The following PDE4D variants were observed in gnomAD, a reference collection of about 807,000 sequenced individuals.
PDE4D encodes the protein phosphodiesterase 4D.
In PDE4D, 24 loss-of-function variants were observed where a neutral mutation model predicts 87.4. The ratio of observed to expected loss-of-function variants is 0.27; its 90% CI spans 0.20 to 0.39. PDE4D has a LOEUF of 0.39. Ranked by LOEUF, PDE4D falls within the 10% of genes least tolerant of loss-of-function variation. The probability of loss-of-function intolerance (pLI) is 1.00; values close to 1 mark genes in which losing one functional copy is unlikely to be tolerated. For missense variants in PDE4D, 714 were observed against 1,041.0 expected (o/e 0.69, Z 4.32); for synonymous variants, 384 against 383.2 (o/e 1.00, Z -0.02).
chr5:59,703,296 T>C (rs978992033), intron 1 of PDE4D, among the ~76,000 whole-genome samples: 1 of 152,218 alleles, frequency 6.6e-6, no homozygotes, highest in Non-Finnish European at 1.5e-5. Flanking sequence ...AAACCTCACT[T>C]CAGCCTTGAG....
At chr5:60,180,047 G>A (rs144765265) in intron 2 of PDE4D, among the ~76,000 whole-genome samples, 7 of 152,120 alleles carry the variant, frequency 4.6e-5, no homozygotes, top group Non-Finnish European at 7.4e-5. Context: ...TTTCTTGGAC[G>A]TAATCATTTG....
At position 58,973,179 on chromosome 5, in the gene PDE4D, T is replaced by TA. The variant is rs1742914051; in HGVS notation, c.*1484dup. The TA allele has an allele frequency of 6.6e-6, 1 of 152,076 alleles. No homozygotes were observed. The highest frequency in any genetic ancestry group is 1.5e-5 in the Non-Finnish European group (1 of 68,032). The allele number at this position is 152,076 out of a possible 1,614,324, so 9.4% of individuals were successfully genotyped here. The stretch of plus-strand genomic sequence containing the variant: ...TTTGTTAATATATTGTTAATATTCT[T>TA]AAAAACTGCCTAGTTGGCTGTTTAA... On this transcript the variant is annotated 3_prime_UTR_variant, in exon 15 of 15. Coordinates refer to ENST00000340635, the MANE Select transcript of PDE4D (RefSeq NM_001104631.2).
chr5:59,565,812 G>A (rs541741965), intron 1 of PDE4D, among the ~76,000 whole-genome samples: 87 of 152,228 alleles, frequency 5.7e-4, no homozygotes, highest in African/African-American at 2.0e-3. Context: ...ACTGTCCTTC[G>A]TCACCCTCTG....
chr5:60,473,643 G>A (rs1163703295), intron 1 of PDE4D, among the ~76,000 whole-genome samples: 4 of 152,002 alleles, frequency 2.6e-5, no homozygotes, highest in Non-Finnish European at 5.9e-5. Flanking sequence ...ACACAGAGCT[G>A]ATGATGGCCT....
chr5:59,019,739 C>A (rs1446380514), intron 6 of PDE4D, among the ~76,000 whole-genome samples: 1 of 152,146 alleles, frequency 6.6e-6, no homozygotes, highest in East Asian at 1.9e-4. Context: ...TCATTCTGGT[C>A]CTCTGTATTG....
chr5:59,797,046 C>T (rs1330699800), intron 1 of PDE4D: 3 of 151,232 alleles, frequency 2.0e-5, no homozygotes, highest in Non-Finnish European at 4.4e-5. Context: ...ATTCCATTTC[C>T]TTGTCATATA....
intron 1 of PDE4D, among the ~76,000 whole-genome samples, chr5:59,405,169 G>A (rs1791399769): frequency 6.6e-6 from 1 of 152,074 alleles, no homozygotes; most frequent in Admixed American, 6.6e-5. Context: ...ATTGCTTTGG[G>A]TACTATGTAC....
Position 60,136,671 on chromosome 5 carries a change from A to C in PDE4D, c.42+48886T>G, listed in dbSNP as rs945818409. On this transcript the variant is annotated intron_variant, in intron 2 of 16. Coordinates refer to the PDE4D transcript ENST00000502484. ...ATTCAGTCTGACAAAGACTACTATT[A>C]GGTATCCACCCAATATCCATTCTTT... is the stretch of plus-strand genomic sequence containing the variant. 3.3e-5 allele frequency among the ~76,000 whole-genome samples: 5 copies of C among 152,266 alleles called. 1 individual carries two copies. The highest frequency in any genetic ancestry group is 6.8e-3 in the Middle Eastern group (2 of 294).
intron 1 of PDE4D, among the ~76,000 whole-genome samples, chr5:59,358,265 TG>T (rs1781702395): frequency 6.6e-6 from 1 of 152,130 alleles, no homozygotes; most frequent in Non-Finnish European, 1.5e-5. Context: ...TCAAAGAAAG[TG>T]GGTGAGTGAG....
intron 1 of PDE4D, among the ~76,000 whole-genome samples, chr5:59,291,741 T>G (rs201063370): frequency 0.023 from 2,098 of 92,866 alleles, 53 homozygotes; most frequent in African/African-American, 0.057. Context: ...AAAAGAAGTT[T>G]TTTTTTTTTT....
intron 5 of PDE4D, among the ~76,000 whole-genome samples, chr5:59,083,357 A>G (rs1346813372): frequency 6.6e-6 from 1 of 152,102 alleles, no homozygotes. Flanking sequence ...GTGTTGGATG[A>G]AACTTTTCAA....
intron 1 of PDE4D, chr5:59,587,538 C>T: frequency 1.0e-6 from 1 of 985,422 alleles, no homozygotes; most frequent in East Asian, 1.1e-4. Flanking sequence ...GGAATCCTCG[C>T]AGCCGCCTTG....
intron 1 of PDE4D, among the ~76,000 whole-genome samples, chr5:60,428,797 T>C (rs190537094): frequency 6.6e-6 from 1 of 152,328 alleles, no homozygotes; most frequent in Non-Finnish European, 1.5e-5. Flanking sequence ...CCTTACAATT[T>C]GCACACATCT....
chr5:59,150,426 T>G (rs1188088597), intron 5 of PDE4D, among the ~76,000 whole-genome samples: 4 of 152,168 alleles, frequency 2.6e-5, no homozygotes, highest in Admixed American at 1.3e-4. Context: ...TTATAGAATG[T>G]TTCCTTCATA....
intron 1 of PDE4D, among the ~76,000 whole-genome samples, chr5:59,873,796 T>G (rs560193732): frequency 1.3e-5 from 2 of 152,366 alleles, no homozygotes; most frequent in South Asian, 2.1e-4. Flanking sequence ...TAGTGACTTA[T>G]GCCAATACTT....
chr5:59,096,780 C>A (rs562554384), intron 5 of PDE4D, among the ~76,000 whole-genome samples: 1 of 152,232 alleles, frequency 6.6e-6, no homozygotes, highest in Admixed American at 6.5e-5. Context: ...GAAACTAAAT[C>A]CTCATGAAGT....
chr5:60,415,550 G>A (rs932692531), intron 1 of PDE4D, among the ~76,000 whole-genome samples: 1 of 152,238 alleles, frequency 6.6e-6, no homozygotes, highest in African/African-American at 2.4e-5. Flanking sequence ...CGCACTGGGA[G>A]CGGCAGGCCG....
At chr5:59,790,489 G>A (rs1311367098) in intron 1 of PDE4D, among the ~76,000 whole-genome samples, 2 of 152,208 alleles carry the variant, frequency 1.3e-5, no homozygotes, top group Non-Finnish European at 2.9e-5. Flanking sequence ...CAAAATCGCT[G>A]TAGACTGTAT....
At chr5:60,179,480 T>C (rs971827416) in intron 2 of PDE4D, among the ~76,000 whole-genome samples, 1 of 152,160 alleles carries the variant, frequency 6.6e-6, no homozygotes, top group Non-Finnish European at 1.5e-5. Context: ...TGATTTGGTT[T>C]GGATTTTTTG....
Sources: gnomAD v4.1 joint callset for allele counts (sites outside exome capture counted in the v4.1 genomes callset) on GRCh38, gnomAD v4.1.1 for gene constraint, MANE v1.5 for transcripts, NCBI Gene and HGNC (gene_info 2026-07-23, HGNC 2026-07-21) for gene names.